ZPLD1: variants seen among roughly 807,000 people sequenced by gnomAD.
ZPLD1 encodes the protein zona pellucida-like domain-containing protein 1.
Under a neutral mutation model 47.2 loss-of-function variants are expected in ZPLD1, and 34 were observed. The ratio of observed to expected loss-of-function variants is 0.72; its 90% confidence interval spans 0.55 to 0.96. The LOEUF is 0.96. Among genes scored for constraint, ZPLD1 ranks in the 40% least tolerant of loss-of-function variants. The probability of loss-of-function intolerance (pLI) is 0.00; values close to 1 mark genes in which losing one functional copy is unlikely to be tolerated. For missense variants in ZPLD1, 512 were observed against 505.8 expected (o/e 1.01, Z -0.12); for synonymous variants, 176 against 186.2 (o/e 0.95, Z 0.45).
At chr3:102,406,269 G>A (rs1706684058) in intron 7 of ZPLD1, among the ~76,000 whole-genome samples, 1 of 151,910 alleles carries the variant, frequency 6.6e-6, no homozygotes, top group Non-Finnish European at 1.5e-5. Context: ...TAAACCTGCT[G>A]AGAAGGCTAG....
intron 7 of ZPLD1, among the ~76,000 whole-genome samples, chr3:102,463,908 G>C (rs775426340): frequency 7.0e-6 from 1 of 143,822 alleles, no homozygotes; most frequent in Non-Finnish European, 1.5e-5. Flanking sequence ...AAAATAGCCG[G>C]GCTTGGTGGC....
At chr3:102,446,290 G>A (rs1707254463) in intron 3 of ZPLD1, among the ~76,000 whole-genome samples, 1 of 152,192 alleles carries the variant, frequency 6.6e-6, no homozygotes, top group Non-Finnish European at 1.5e-5. Context: ...ATGACGGGAT[G>A]ATTACACTCC....
chr3:102,435,103 T>C lies in ZPLD1; in HGVS notation c.-174T>C. On this transcript the variant is annotated 5_prime_UTR_variant, in exon 1 of 12. Coordinates refer to ENST00000466937, the MANE Select transcript of ZPLD1 (RefSeq NM_001329788.2). Reference sequence around the variant, plus strand: ...TGTGCTAAAATAGCATCTCCAAGCTTGCTATGGCAAGATGATGCTCAGGTT... The same window carrying C: ...TGTGCTAAAATAGCATCTCCAAGCTCGCTATGGCAAGATGATGCTCAGGTT... 1 of 1,614,106 alleles carries C rather than the reference T, an allele frequency of 6.2e-7. No homozygotes were observed. Among genetic ancestry groups the C allele is most frequent in the Non-Finnish European group, 8.5e-7 (1 of 1,179,984 alleles).
intron 5 of ZPLD1, 136 bp downstream of exon 5, chr3:102,456,510 T>C (rs531818089): frequency 1.2e-5 from 9 of 731,304 alleles, no homozygotes; most frequent in Admixed American, 9.8e-5. Flanking sequence ...AAACATATTA[T>C]GTCTAATATA....
intron 9 of ZPLD1, among the ~76,000 whole-genome samples, chr3:102,469,510 T>TA (rs760944406): frequency 1.3e-4 from 20 of 152,194 alleles, no homozygotes; most frequent in Non-Finnish European, 2.8e-4. Context: ...AGAGGATTGT[T>TA]AGAGATGAAC....
At chr3:102,443,538 C>T (rs1444955281) in intron 3 of ZPLD1, among the ~76,000 whole-genome samples, 1 of 152,116 alleles carries the variant, frequency 6.6e-6, no homozygotes. Flanking sequence ...GAAATTGCCA[C>T]GTCTAAGGAT....
At chr3:102,471,261 G>C (rs79251122) in intron 10 of ZPLD1, among the ~76,000 whole-genome samples, 3,195 of 152,232 alleles carry the variant, frequency 0.021, 114 homozygotes, top group African/African-American at 0.073. Flanking sequence ...GGCGTCCACA[G>C]GGCTCCTCCC....
At chr3:102,449,074 A>G (rs1707299052) in intron 3 of ZPLD1, among the ~76,000 whole-genome samples, 1 of 152,130 alleles carries the variant, frequency 6.6e-6, no homozygotes, top group Admixed American at 6.5e-5. Flanking sequence ...ATTGCCTGCT[A>G]TTTCCTCTTT....
intron 8 of ZPLD1, among the ~76,000 whole-genome samples, chr3:102,419,915 T>C (rs537444317): frequency 6.6e-6 from 1 of 151,762 alleles, no homozygotes; most frequent in East Asian, 1.9e-4. Context: ...TTTTTTTTTT[T>C]CTGTATTTAA....
At chr3:102,400,635 T>C (rs1706609534) in intron 7 of ZPLD1, among the ~76,000 whole-genome samples, 2 of 152,122 alleles carry the variant, frequency 1.3e-5, no homozygotes, top group South Asian at 4.1e-4. Context: ...ATTTACTTGG[T>C]CCTTGAAATA....
chr3:102,433,236 G>A (rs1488301265), upstream of ZPLD1, among the ~76,000 whole-genome samples: 1 of 152,152 alleles, frequency 6.6e-6, no homozygotes, highest in African/African-American at 2.4e-5. Context: ...ATTTGATTTA[G>A]CATTATATGC....
intron 7 of ZPLD1, among the ~76,000 whole-genome samples, chr3:102,393,807 T>C (rs1488262157): frequency 6.6e-6 from 1 of 152,128 alleles, no homozygotes; most frequent in Non-Finnish European, 1.5e-5. Flanking sequence ...AAGAAAGAAA[T>C]GACTTTCACA....
Position 102,408,195 on chromosome 3 carries a change from T to G in ZPLD1, c.-156-9865T>G, listed in dbSNP as rs557761714. On this transcript the variant is annotated intron_variant, in intron 7 of 17. Coordinates refer to the ZPLD1 transcript ENST00000491959. Reference sequence around the variant, plus strand: ...CCTTACACCAATGTTGTTTTCCTCATGCTCACAAGCACAAAAAACCTATTA... The same window carrying G: ...CCTTACACCAATGTTGTTTTCCTCAGGCTCACAAGCACAAAAAACCTATTA... Among the ~76,000 whole-genome samples, 3 of 151,938 alleles carry G rather than the reference T, an allele frequency of 2.0e-5. No homozygotes were observed. The South Asian group carries it at 6.2e-4, about 32-fold the overall frequency.
chr3:102,471,628 A>G (rs1048169073), intron 10 of ZPLD1, among the ~76,000 whole-genome samples: 1 of 152,238 alleles, frequency 6.6e-6, no homozygotes, highest in Non-Finnish European at 1.5e-5. Context: ...AGAGACTTTC[A>G]GAGTCCATTG....
In ZPLD1 at chr3:102,435,081, G is replaced by T. The variant is rs1446083364; in HGVS notation, c.-196G>T. Reference sequence around the variant, plus strand: ...TTTCAGAAAAGTATTTAGGGACTGTGCTAAAATAGCATCTCCAAGCTTGCT... The same window carrying T: ...TTTCAGAAAAGTATTTAGGGACTGTTCTAAAATAGCATCTCCAAGCTTGCT... On this transcript the variant is annotated 5_prime_UTR_variant, in exon 1 of 12. Transcript: ENST00000466937. The T allele has an allele frequency of 8.7e-6, 14 of 1,613,474 alleles. No individual in the cohort carries two copies. The East Asian group carries it at 2.2e-4, about 26-fold the overall frequency.
rs528855647 is a variant in ZPLD1 at position 102,459,033 on chromosome 3, G to T, written c.582+1180G>T. Among the ~76,000 whole-genome samples the T allele has an allele frequency of 2.7e-3, 395 of 146,936 alleles. 2 individuals are homozygous for T. Among genetic ancestry groups the T allele is most frequent in the African/African-American group, 8.7e-3 (340 of 39,202 alleles). On this transcript the variant is annotated intron_variant, in intron 6 of 11. Transcript: ENST00000466937. ...TGAACCCGGGAGGCGGAGGTTGCAG[G>T]GAGCCGAGATAGCACCACTGCACTC...
chr3:102,405,932 C>T (rs1205103301), intron 7 of ZPLD1, among the ~76,000 whole-genome samples: 2 of 151,928 alleles, frequency 1.3e-5, no homozygotes, highest in Non-Finnish European at 2.9e-5. Flanking sequence ...CCCGAGATTC[C>T]TCCCAGCTCT....
chr3:102,462,434 C>T, intron 7 of ZPLD1, 56 bp downstream of exon 7: 1 of 1,217,094 alleles, frequency 8.2e-7, no homozygotes. Context: ...CCTAAATCCT[C>T]ATGAGTCATA....
At chr3:102,403,242 GA>G (rs549269136) in intron 7 of ZPLD1, among the ~76,000 whole-genome samples, 74 of 151,314 alleles carry the variant, frequency 4.9e-4, no homozygotes, top group Middle Eastern at 3.4e-3. Context: ...GAGAGAGAGA[GA>G]AAAAAAAATT....
Sources: allele counts gnomAD v4.1 joint callset (sites outside exome capture counted in the v4.1 genomes callset), GRCh38; gene constraint gnomAD v4.1.1; transcripts MANE v1.5; gene names NCBI Gene and HGNC (gene_info 2026-07-23, HGNC 2026-07-21).